RAPGEF1: variants seen among roughly 807,000 people sequenced by gnomAD.
RAPGEF1 encodes the protein Rap guanine nucleotide exchange factor 1.
In RAPGEF1, 33 loss-of-function variants were observed where a neutral mutation model predicts 143.3. The observed-to-expected ratio is 0.23, with a 90% CI of 0.17 to 0.31. The LOEUF is 0.31. Among genes scored for constraint, RAPGEF1 ranks in the 10% least tolerant of loss-of-function variants. The probability of loss-of-function intolerance (pLI) is 1.00; values close to 1 mark genes in which losing one functional copy is unlikely to be tolerated. For synonymous variants in RAPGEF1, 629 were observed against 676.5 expected (o/e 0.93, Z 1.09); for missense variants, 1,199 against 1,645.4 (o/e 0.73, Z 4.69).
chr9:131,613,186 C>T (rs769064441), intron 12 of RAPGEF1, among the ~76,000 whole-genome samples: 11 of 152,200 alleles, frequency 7.2e-5, no homozygotes, highest in Non-Finnish European at 8.8e-5. Context: ...CAGAGGAAAG[C>T]GGGGCCCAGG....
chr9:131,617,144 AACCCTAACT>A (rs1959133301), intron 12 of RAPGEF1, among the ~76,000 whole-genome samples: 1 of 152,254 alleles, frequency 6.6e-6, no homozygotes, highest in Non-Finnish European at 1.5e-5. Context: ...ATAGTCCTCT[AACCCTAACT>A]GCTCAAAAGG....
rs1960899568 is a variant in RAPGEF1 at position 131,621,261 on chromosome 9, A to G, written c.1905+535T>C. On this transcript the variant is annotated intron_variant, in intron 11 of 26. Coordinates refer to ENST00000683357, the MANE Select transcript of RAPGEF1 (RefSeq NM_001377935.1). This position sits in a 1 kb window ranked among gnomAD's most constrained non-coding sequence, Gnocchi z 4.5. Reference sequence around the variant, plus strand: ...GTGTTTTCTAGAAGAGGAAGGTGCCATGTCTGAAACAGAGTGGCTCTGTTT... The same window carrying G: ...GTGTTTTCTAGAAGAGGAAGGTGCCGTGTCTGAAACAGAGTGGCTCTGTTT... 6.6e-6 allele frequency among the ~76,000 whole-genome samples: 1 copy of G among 152,194 alleles called. No individual in the cohort carries two copies. Among genetic ancestry groups the G allele is most frequent in the African/African-American group, 2.4e-5 (1 of 41,440 alleles).
intron 1 of RAPGEF1, among the ~76,000 whole-genome samples, chr9:131,691,730 T>G (rs1030477647): frequency 2.0e-5 from 3 of 152,172 alleles, no homozygotes; most frequent in African/African-American, 7.2e-5. Flanking sequence ...ATAAAGAAAC[T>G]GATGGGCTTG....
intron 1 of RAPGEF1, among the ~76,000 whole-genome samples, chr9:131,684,308 T>C (rs2130951869): frequency 6.6e-6 from 1 of 152,374 alleles, no homozygotes; most frequent in East Asian, 1.9e-4. Flanking sequence ...CAGGAGAGTC[T>C]TCTGCCTGTG....
intron 1 of RAPGEF1, among the ~76,000 whole-genome samples, chr9:131,727,918 T>C (rs538172496): frequency 6.6e-6 from 1 of 152,292 alleles, no homozygotes; most frequent in South Asian, 2.1e-4. Context: ...CTTGACAAGC[T>C]GAGGCAGAAG....
chr9:131,587,139 A>AACACACAC (rs763365306), intron 22 of RAPGEF1, among the ~76,000 whole-genome samples: 1 of 87,756 alleles, frequency 1.1e-5, no homozygotes, highest in Admixed American at 1.2e-4. Flanking sequence ...CTCCGTCTCA[A>AACACACAC]ACACACACAC....
chr9:131,676,932 G>A, intron 1 of RAPGEF1, among the ~76,000 whole-genome samples: 1 of 152,144 alleles, frequency 6.6e-6, no homozygotes, highest in East Asian at 1.9e-4. Flanking sequence ...GACACTCTGG[G>A]GGTAGGCCCA....
At chr9:131,699,856 C>T (rs1834496645) in intron 1 of RAPGEF1, among the ~76,000 whole-genome samples, 1 of 152,158 alleles carries the variant, frequency 6.6e-6, no homozygotes, top group Non-Finnish European at 1.5e-5. Flanking sequence ...GTATCTCACC[C>T]AGTCTCATAG....
intron 1 of RAPGEF1, among the ~76,000 whole-genome samples, chr9:131,660,699 G>GC (rs1169546639): frequency 1.3e-5 from 2 of 152,176 alleles, no homozygotes; most frequent in Admixed American, 6.5e-5. Context: ...TAGTCAAACT[G>GC]CCCCCCACTG....
chr9:131,658,654 C>T (rs545811405), intron 1 of RAPGEF1, among the ~76,000 whole-genome samples: 6 of 152,270 alleles, frequency 3.9e-5, no homozygotes, highest in Non-Finnish European at 7.3e-5. Context: ...CCTTCTCTAC[C>T]GAGAGAGAAA....
At position 131,579,125 on chromosome 9, in the gene RAPGEF1, C is replaced by T; in HGVS notation, c.*372G>A. On this transcript the variant is annotated 3_prime_UTR_variant, in exon 27 of 27. Coordinates refer to ENST00000683357, the MANE Select transcript of RAPGEF1 (RefSeq NM_001377935.1). ...CCTGGAGCTTAGGGAGGGGGAGCAC[C>T]CACCACTTCCTTGGTCTGCTGATGA... 1 of 186,546 alleles carries T rather than the reference C, an allele frequency of 5.4e-6. No individual in the cohort carries two copies. The highest frequency in any genetic ancestry group is 5.6e-5 in the Admixed American group (1 of 17,888). 11.6% of individuals were successfully genotyped at this position (186,546 alleles called of 1,614,324 possible). A position where few individuals can be genotyped will look rare whatever the true frequency, so the allele number is the denominator to read the frequency against.
At chr9:131,606,168 T>A (rs917004894) in intron 12 of RAPGEF1, among the ~76,000 whole-genome samples, 1 of 152,178 alleles carries the variant, frequency 6.6e-6, no homozygotes, top group East Asian at 1.9e-4. Flanking sequence ...GGAAAGACAC[T>A]GTGTTGAGAA....
chr9:131,614,403 T>A (rs1327601156), intron 12 of RAPGEF1, among the ~76,000 whole-genome samples: 1 of 152,220 alleles, frequency 6.6e-6, no homozygotes, highest in Non-Finnish European at 1.5e-5. Context: ...CCTCCTCCTC[T>A]CCTCCCTTCT....
chr9:131,702,958 C>T (rs954194436), intron 1 of RAPGEF1, among the ~76,000 whole-genome samples: 2 of 152,178 alleles, frequency 1.3e-5, no homozygotes, highest in Admixed American at 1.3e-4. Flanking sequence ...ATGCATCGTG[C>T]AGCCGCTCTG....
chr9:131,588,126 C>T lies in RAPGEF1; in HGVS notation c.3054-100G>A, dbSNP rs969548432. On this transcript the variant is annotated intron_variant, in intron 20 of 26. Coordinates refer to ENST00000683357, the MANE Select transcript of RAPGEF1 (RefSeq NM_001377935.1). ...CGGGCGTCAGAGCAGGAGAGCCTCTCTGCCCAGCAGGAGCGTGGAGGCTAC... is the reference window on the plus strand; with the variant it reads ...CGGGCGTCAGAGCAGGAGAGCCTCTTTGCCCAGCAGGAGCGTGGAGGCTAC... 3 of 1,052,236 alleles carry T rather than the reference C, an allele frequency of 2.9e-6. No homozygotes were observed. The African/African-American group carries it at 4.7e-5, about 17-fold the overall frequency. The allele number at this position is 1,052,236 out of a possible 1,614,324, so 65.2% of individuals were successfully genotyped here. A position where few individuals can be genotyped will look rare whatever the true frequency, so the allele number is the denominator to read the frequency against.
chr9:131,659,718 A>G (rs1424396339), intron 1 of RAPGEF1, among the ~76,000 whole-genome samples: 1 of 152,230 alleles, frequency 6.6e-6, no homozygotes, highest in Admixed American at 6.5e-5. Flanking sequence ...CATGGCAGCT[A>G]TTATTGTCAT....
chr9:131,579,141 C>T lies in RAPGEF1; in HGVS notation c.*356G>A, dbSNP rs980123743. The T allele has an allele frequency of 6.5e-5, 13 of 201,516 alleles. No homozygotes were observed. Among genetic ancestry groups the T allele is most frequent in the Non-Finnish European group, 1.1e-4 (11 of 98,144 alleles). The allele number at this position is 201,516 out of a possible 1,614,324, so 12.5% of individuals were successfully genotyped here. ...GGGGAGCACCCACCACTTCCTTGGT[C>T]TGCTGATGAGGTCTCTGCTGCTCTC... On this transcript the variant is annotated 3_prime_UTR_variant, in exon 27 of 27. Transcript: ENST00000683357.
At chr9:131,630,446 C>A (rs192571420) in intron 5 of RAPGEF1, 122 bp from the exon 6 acceptor site, 4 of 903,122 alleles carry the variant, frequency 4.4e-6, no homozygotes, top group Non-Finnish European at 6.9e-6. Flanking sequence ...ACAGATTCCC[C>A]ACGCACCATA....
At chr9:131,722,028 A>C (rs902898398) in intron 1 of RAPGEF1, among the ~76,000 whole-genome samples, 3 of 152,086 alleles carry the variant, frequency 2.0e-5, no homozygotes, top group Non-Finnish European at 2.9e-5. Flanking sequence ...TCCACCTGCT[A>C]ATGTATTTTC....
Sources: gnomAD v4.1 joint callset for allele counts (sites outside exome capture counted in the v4.1 genomes callset) on GRCh38, gnomAD v4.1.1 for gene constraint, Gnocchi (gnomAD v3.1) non-coding constraint, MANE v1.5 for transcripts, NCBI Gene and HGNC (gene_info 2026-07-23, HGNC 2026-07-21) for gene names.